The following SLC10A2 variants were observed in gnomAD, a reference collection of about 807,000 sequenced individuals.
The protein encoded by SLC10A2 is ileal sodium/bile acid cotransporter.
A neutral mutation model predicts 27.1 loss-of-function variants in SLC10A2; 34 were observed. That is an observed-to-expected ratio of 1.26 (90% CI 0.96 to 1.67). The LOEUF (loss-of-function observed/expected upper bound fraction) is 1.67. Among genes scored for constraint, SLC10A2 ranks in the 40% most tolerant of loss-of-function variants. SLC10A2 has a pLI of 0.00. For synonymous variants in SLC10A2, 205 were observed against 174.0 expected (o/e 1.18, Z -1.40); for missense variants, 530 against 444.4 (o/e 1.19, Z -1.73).
intron 1 of SLC10A2, among the ~76,000 whole-genome samples, chr13:103,064,256 A>T (rs956656148): frequency 2.0e-5 from 3 of 151,170 alleles, no homozygotes; most frequent in Non-Finnish European, 2.9e-5. Flanking sequence ...CTTATTAAAA[A>T]AAATAATTTA....
chr13:103,060,101 GT>G (rs1279902362), intron 1 of SLC10A2, among the ~76,000 whole-genome samples: 8 of 152,138 alleles, frequency 5.3e-5, no homozygotes, highest in Non-Finnish European at 1.0e-4. Context: ...TACTAGGACA[GT>G]GGGTCAAAGA....
chr13:103,050,380 T>C, intron 4 of SLC10A2, among the ~76,000 whole-genome samples: 1 of 152,154 alleles, frequency 6.6e-6, no homozygotes. Flanking sequence ...CATACATGCA[T>C]CTGTCCCTAC....
chr13:103,052,538 A>G, intron 3 of SLC10A2, 82 bp downstream of exon 3: 1 of 1,000,502 alleles, frequency 1.0e-6, no homozygotes, highest in East Asian at 2.4e-5. Context: ...TATAATGAGA[A>G]TGAAACCATT....
chr13:103,046,022 C>T lies in SLC10A2; in HGVS notation c.*111G>A. ...CAATACATGAATTCCAATGAAATTC[C>T]AATTTTCACTTTAACTCTTTTCTGC... is the stretch of plus-strand genomic sequence containing the variant. On this transcript the variant is annotated 3_prime_UTR_variant, in exon 6 of 6. Transcript: ENST00000245312. 7.4e-7 allele frequency: 1 copy of T among 1,359,120 alleles called. No homozygotes were observed. Among genetic ancestry groups the T allele is most frequent in the South Asian group, 1.2e-5 (1 of 81,740 alleles). 84.2% of individuals were successfully genotyped at this position (1,359,120 alleles called of 1,614,324 possible).
At chr13:103,049,881 C>A (rs1353710138) in intron 4 of SLC10A2, among the ~76,000 whole-genome samples, 1 of 152,066 alleles carries the variant, frequency 6.6e-6, no homozygotes, top group Admixed American at 6.5e-5. Context: ...TGGCTCACAC[C>A]AGTAATCTCA....
chr13:103,057,380 G>A (rs1302141581), intron 2 of SLC10A2, among the ~76,000 whole-genome samples: 4 of 152,074 alleles, frequency 2.6e-5, no homozygotes, highest in Non-Finnish European at 2.9e-5. Flanking sequence ...CAGAAAATAA[G>A]GTTTTTGGGA....
At chr13:103,062,610 A>G (rs952948761) in intron 1 of SLC10A2, among the ~76,000 whole-genome samples, 2 of 152,202 alleles carry the variant, frequency 1.3e-5, no homozygotes, top group African/African-American at 4.8e-5. Flanking sequence ...AGAGAAGGAC[A>G]TTTATGGGGT....
chr13:103,050,270 C>T (rs905903979), intron 4 of SLC10A2, among the ~76,000 whole-genome samples: 1 of 152,166 alleles, frequency 6.6e-6, no homozygotes, highest in Admixed American at 6.5e-5. Context: ...TGAGGTCCCC[C>T]GGGCAGTGTG....
At chr13:103,049,526 C>A (rs970243558) in intron 4 of SLC10A2, 80 bp from the exon 5 acceptor site, 1 of 1,361,628 alleles carries the variant, frequency 7.3e-7, no homozygotes, top group Non-Finnish European at 1.0e-6. Flanking sequence ...ATAATAAGTA[C>A]ATATATATGC....
chr13:103,065,887 G>T lies in SLC10A2; in HGVS notation c.363C>A (p.Gly121=). ...GATAATCTTACCTCAGGTCCATGTC[G>T]CCATCGACCCAATAGGCCAAGATAT... ...ASNILAYWVD[G]DMDLSVSMTT... The change falls in exon 1 of 6, where the codon GGC becomes GGA. Residue 121 remains glycine (G), a synonymous_variant. Transcript: ENST00000245312. The T allele has an allele frequency of 6.2e-7, 1 of 1,614,024 alleles. No individual in the cohort carries two copies. The highest frequency in any genetic ancestry group is 8.5e-7 in the Non-Finnish European group (1 of 1,180,006).
intron 5 of SLC10A2, among the ~76,000 whole-genome samples, chr13:103,047,381 A>C (rs532258816): frequency 6.6e-6 from 1 of 152,180 alleles, no homozygotes; most frequent in Admixed American, 6.5e-5. Context: ...GCTTGTGGTC[A>C]ATTTGAAGAT....
rs143583236 is a variant in SLC10A2 at position 103,044,446 on chromosome 13, G to A, written c.*1687C>T. ...GAGCATATTCTCTGACACTCTCTAA[G>A]AAGGAAGTCTGTACCCCCTCTCCTC... On this transcript the variant is annotated 3_prime_UTR_variant, in exon 6 of 6. Transcript: ENST00000245312. The A allele has an allele frequency of 6.6e-6, 1 of 152,274 alleles. No homozygotes were observed. The highest frequency in any genetic ancestry group is 2.4e-5 in the African/African-American group (1 of 41,550). The allele number at this position is 152,274 out of a possible 1,614,324, so 9.4% of individuals were successfully genotyped here. A position where few individuals can be genotyped will look rare whatever the true frequency, so the allele number is the denominator to read the frequency against.
At chr13:103,061,371 G>C (rs1876114223) in intron 1 of SLC10A2, among the ~76,000 whole-genome samples, 1 of 148,120 alleles carries the variant, frequency 6.8e-6, no homozygotes, top group South Asian at 2.2e-4. Flanking sequence ...ATATTAGAAT[G>C]GATTTAAAGT....
chr13:103,052,864 A>G (rs551997399), intron 2 of SLC10A2, among the ~76,000 whole-genome samples, 156 bp from the exon 3 acceptor site: 12 of 152,270 alleles, frequency 7.9e-5, no homozygotes, highest in African/African-American at 2.9e-4. Flanking sequence ...ACACACATGC[A>G]CACACACACT....
rs774114686 is a variant in SLC10A2 at position 103,046,222 on chromosome 13, C to T, written c.958G>A (p.Ala320Thr). The T allele has an allele frequency of 1.2e-6, 2 of 1,613,440 alleles. No homozygotes were observed. Among genetic ancestry groups the T allele is most frequent in the Non-Finnish European group, 1.7e-6 (2 of 1,179,520 alleles). The stretch of plus-strand genomic sequence containing the variant: ...TTTTCTTTGCTCTCTGGAATTTCTG[C>T]CTTGTTTTTTCCATGACATTTCTTG... ...AYKKCHGKNK[A>T]EIPESKENGT... The change falls in exon 6 of 6, where the codon GCA becomes ACA. Residue 320 changes from alanine to threonine, a missense_variant. Transcript: ENST00000245312.
At chr13:103,056,536 G>T (rs971956105) in intron 2 of SLC10A2, among the ~76,000 whole-genome samples, 2 of 152,026 alleles carry the variant, frequency 1.3e-5, no homozygotes, top group Non-Finnish European at 2.9e-5. Flanking sequence ...ATATTTTATG[G>T]CTTAAATTAT....
At chr13:103,058,901 T>C (rs1295794683) in intron 1 of SLC10A2, among the ~76,000 whole-genome samples, 1 of 152,220 alleles carries the variant, frequency 6.6e-6, no homozygotes, top group Non-Finnish European at 1.5e-5. Context: ...CCATTGTAAA[T>C]AGTGCTGCGG....
chr13:103,058,462 A>G, intron 1 of SLC10A2, 80 bp from the exon 2 acceptor site: 1 of 880,666 alleles, frequency 1.1e-6, no homozygotes, highest in Non-Finnish European at 1.9e-6. Flanking sequence ...TTTTTAATTT[A>G]ACTTTTATTT....
rs1039412245 is a variant in SLC10A2, at chr13:103,046,058, A to T, written c.*75T>A. 4.5e-6 allele frequency: 7 copies of T among 1,565,596 alleles called. No homozygotes were observed. In the Admixed American group the frequency reaches 5.0e-5, roughly 11 times the overall value. On this transcript the variant is annotated 3_prime_UTR_variant, in exon 6 of 6. Transcript: ENST00000245312. ...TTAACTCTTTTCTGCCAACTGTCCT[A>T]CCAAAACAAATAATTAAATATAGTT... is the stretch of plus-strand genomic sequence containing the variant.
Sources: allele counts gnomAD v4.1 joint callset (sites outside exome capture counted in the v4.1 genomes callset), GRCh38; gene constraint gnomAD v4.1.1; transcripts MANE v1.5; gene names NCBI Gene and HGNC (gene_info 2026-07-23, HGNC 2026-07-21).